The following CEP290 variants were observed in gnomAD, a reference collection of about 807,000 sequenced individuals.
The protein encoded by CEP290 is centrosomal protein of 290 kDa.
CEP290 carries 317 observed loss-of-function variants against 344.9 expected under a neutral mutation model. That is an observed-to-expected ratio of 0.92 (90% confidence interval 0.84 to 1.01). The LOEUF (loss-of-function observed/expected upper bound fraction) is 1.01. Ranked by LOEUF, CEP290 falls within the 50% of genes least tolerant of loss-of-function variation. The pLI, the probability that CEP290 is intolerant of heterozygous loss-of-function variation, is 0.00. For synonymous variants in CEP290, 932 were observed against 895.8 expected, an observed-to-expected ratio of 1.04 and a Z score of -0.72; for missense variants, 2,754 against 2,761.4, an observed-to-expected ratio of 1.00 and a Z score of 0.06.
At position 88,096,928 on chromosome 12, in the gene CEP290, A is replaced by G; in HGVS notation, c.3063T>C (p.Leu1021=). 1 of 1,583,022 alleles carries G rather than the reference A, an allele frequency of 6.3e-7. No homozygotes were observed. Residue 1021 remains leucine, a synonymous_variant, in exon 27 of 54, where the codon CTT becomes CTC. Coordinates refer to ENST00000552810, the MANE Select transcript of CEP290 (RefSeq NM_025114.4). ...NKELEITKEK[L]HTIEQAWEQE... Reference sequence around the variant, plus strand: ...GTTCCCAGGCTTGTTCAATAGTGTGAAGTTTTTCCTTGGTAATCTCCAGTT... The same window carrying G: ...GTTCCCAGGCTTGTTCAATAGTGTGGAGTTTTTCCTTGGTAATCTCCAGTT...
rs753374614 is a variant in CEP290 at position 88,131,208 on chromosome 12, C to T, written c.452G>A (p.Arg151Gln). The T allele has an allele frequency of 1.1e-5, 17 of 1,500,650 alleles. No individual in the cohort carries two copies. The highest frequency in any genetic ancestry group is 2.6e-5 in the Admixed American group (1 of 39,016). The allele number at this position is 1,500,650 out of a possible 1,614,324, so 93.0% of individuals were successfully genotyped here. A position where few individuals can be genotyped will look rare whatever the true frequency, so the allele number is the denominator to read the frequency against. ...GTTTTCATTTTCTGCCTCCTCATTT[C>T]GAAGAGCCAACTAAAATAGTAAAAA... ...EKKVNEQLAL[R>Q]NEEAENENSK... Residue 151 changes from arginine (R) to glutamine (Q), a missense_variant, in exon 7 of 54, where the codon CGA becomes CAA. Physicochemically the swap from Arg to Gln is conservative, Grantham distance 43. Coordinates refer to ENST00000552810, the MANE Select transcript of CEP290 (RefSeq NM_025114.4).
chr12:88,091,077 A>G (rs1287865313), intron 29 of CEP290, among the ~76,000 whole-genome samples: 2 of 152,166 alleles, frequency 1.3e-5, no homozygotes, highest in Admixed American at 1.3e-4. Flanking sequence ...TCCCTCTTGA[A>G]TATTCCTAAC....
At chr12:88,072,044 T>C in intron 41 of CEP290, 118 bp from the exon 42 acceptor site, 4 of 942,520 alleles carry the variant, frequency 4.2e-6, no homozygotes, top group East Asian at 5.8e-5. Flanking sequence ...AGAGAATATG[T>C]AAATATGTTC....
Position 88,126,387 on chromosome 12 carries a change from G to A in CEP290, c.994C>T (p.His332Tyr), listed in dbSNP as rs768520045. The A allele has an allele frequency of 6.6e-7, 1 of 1,519,998 alleles. No individual in the cohort carries two copies. The highest frequency in any genetic ancestry group is 8.8e-7 in the Non-Finnish European group (1 of 1,138,492). 94.2% of individuals were successfully genotyped at this position (1,519,998 alleles called of 1,614,324 possible). The change falls in exon 12 of 54, where the codon CAT becomes TAT. Residue 332 changes from histidine (H) to tyrosine (Y), a missense_variant. By Grantham distance (83) the His-to-Tyr change is moderately conservative. Transcript: ENST00000552810. ...TTCTTAAGTTTCTCCCTTAGGTTAT[G>A]TAACATTTGCTGATACTCAATAATT... ...DEIIEYQQML[H>Y]NLREKLKNAQ...
intron 25 of CEP290, among the ~76,000 whole-genome samples, chr12:88,106,333 A>G (rs2038276912): frequency 6.6e-6 from 1 of 152,180 alleles, no homozygotes; most frequent in Non-Finnish European, 1.5e-5. Context: ...GATTTATGAG[A>G]TGTAACATCC....
At chr12:88,132,708 T>A (rs1440810343) in intron 6 of CEP290, among the ~76,000 whole-genome samples, 2 of 152,122 alleles carry the variant, frequency 1.3e-5, no homozygotes, top group Non-Finnish European at 2.9e-5. Context: ...ATGAAGGGTA[T>A]GTGGGTGGTT....
intron 11 of CEP290, 48 bp downstream of exon 11, chr12:88,128,898 T>C: frequency 8.7e-7 from 1 of 1,153,690 alleles, no homozygotes; most frequent in Non-Finnish European, 1.2e-6. Flanking sequence ...AAAATTTAAA[T>C]CTAAAATACA....
intron 26 of CEP290, among the ~76,000 whole-genome samples, chr12:88,100,364 CT>C (rs1477353837): frequency 1.3e-5 from 2 of 151,502 alleles, no homozygotes; most frequent in Non-Finnish European, 2.9e-5. Flanking sequence ...TCAAGTTTTT[CT>C]TTTGCTTTAT....
chr12:88,077,163 G>T, intron 41 of CEP290, 59 bp downstream of exon 41: 1 of 1,490,882 alleles, frequency 6.7e-7, no homozygotes. Flanking sequence ...AATCAGCTAT[G>T]TATTTAACTT....
rs2138213152 is a variant in CEP290, at chr12:88,136,646, C to T, written c.438G>A (p.Glu146=). 1.2e-6 allele frequency: 2 copies of T among 1,613,462 alleles called. No homozygotes were observed. The highest frequency in any genetic ancestry group is 2.7e-5 in the African/African-American group (2 of 75,012). The change falls in exon 6 of 54, where the codon GAG becomes GAA. Residue 146 remains glutamate (E), a synonymous_variant. Transcript: ENST00000552810. ...KELEKEKKVN[E]QLALRNEEAE... ...ATGGAAAAAAAAAGTGCTTTACTTG[C>T]TCATTAACTTTCTTCTCTTTCTCCA... is the stretch of plus-strand genomic sequence containing the variant.
chr12:88,096,963 T>C lies in CEP290; in HGVS notation c.3028A>G (p.Ile1010Val), dbSNP rs1038566350. ...TTGGTAATCTCCAGTTCTTTATTTATAGACTCCACTTGTTCTTTTAAGGAG... is the reference window on the plus strand; with the variant it reads ...TTGGTAATCTCCAGTTCTTTATTTACAGACTCCACTTGTTCTTTTAAGGAG... The part of the protein sequence containing the change: ...NISLKEQVES[I>V]NKELEITKEK... Residue 1010 changes from isoleucine (I) to valine (V), a missense_variant, in exon 27 of 54, where the codon ATA (isoleucine) becomes GTA (valine). Physicochemically the swap from Ile to Val is conservative, Grantham distance 29. Transcript: ENST00000552810. 64 of 1,572,432 alleles carry C rather than the reference T, an allele frequency of 4.1e-5. No homozygotes were observed. The highest frequency in any genetic ancestry group is 5.3e-5 in the Non-Finnish European group (61 of 1,156,186).
At chr12:88,074,213 A>C (rs2137003020) in intron 41 of CEP290, among the ~76,000 whole-genome samples, 1 of 152,242 alleles carries the variant, frequency 6.6e-6, no homozygotes, top group African/African-American at 2.4e-5. Flanking sequence ...TGACAAGAAT[A>C]AAACTCCATC....
Position 88,054,335 on chromosome 12 carries a change from TGTACCTAA to T in CEP290, c.7031_7034+4del. ...ACAAAGTAGTCATATGAATACATGA[TGTACCTAA>T]GAACTTGAAGCTCCCGTTTAAGGCC... On this transcript the variant is annotated splice_donor_variant and splice_donor_region_variant and coding_sequence_variant and intron_variant, in exon 51 of 54. Coordinates refer to ENST00000552810, the MANE Select transcript of CEP290 (RefSeq NM_025114.4). LOFTEE classifies it high-confidence loss of function. The T allele has an allele frequency of 3.8e-6, 6 of 1,584,460 alleles. No individual in the cohort carries two copies. The highest frequency in any genetic ancestry group is 5.2e-6 in the Non-Finnish European group (6 of 1,162,492).
At chr12:88,138,373 A>C (rs1282748424) in intron 5 of CEP290, among the ~76,000 whole-genome samples, 1 of 152,228 alleles carries the variant, frequency 6.6e-6, no homozygotes, top group Admixed American at 6.5e-5. Flanking sequence ...GTATTTATTG[A>C]AAGTGCTTGG....
Position 88,083,906 on chromosome 12 carries a change from G to C in CEP290, c.4753C>G (p.His1585Asp). 1 of 1,599,024 alleles carries C rather than the reference G, an allele frequency of 6.3e-7. No individual in the cohort carries two copies. The highest frequency in any genetic ancestry group is 1.1e-5 in the South Asian group (1 of 87,608). The change falls in exon 36 of 54, where the codon CAT becomes GAT. Residue 1585 changes from histidine to aspartate, a missense_variant. By Grantham distance (81) the His-to-Asp change is moderately conservative. Transcript: ENST00000552810. ...TCAGCCTGTAGTTCTAATCTGTGATGAAGAATATGAAGGTCTTCCTCATGT... is the reference window on the plus strand; with the variant it reads ...TCAGCCTGTAGTTCTAATCTGTGATCAAGAATATGAAGGTCTTCCTCATGT... Reference protein sequence around the residue: ...KKHEEDLHILHHRLELQADSS... With the variant: ...KKHEEDLHILDHRLELQADSS...
chr12:88,052,211 GAT>G (rs1299151306), intron 52 of CEP290, among the ~76,000 whole-genome samples: 1 of 152,170 alleles, frequency 6.6e-6, no homozygotes, highest in East Asian at 1.9e-4. Context: ...AGATAGTTCA[GAT>G]ATAAATTGGT....
chr12:88,101,210 G>A (rs557727242), intron 26 of CEP290, among the ~76,000 whole-genome samples: 2 of 151,966 alleles, frequency 1.3e-5, no homozygotes, highest in African/African-American at 2.4e-5. Context: ...GGCCAGGTGC[G>A]GTGGCTCACA....
intron 52 of CEP290, chr12:88,051,726 C>T (rs1046529940): frequency 3.9e-5 from 6 of 152,100 alleles, no homozygotes; most frequent in African/African-American, 1.4e-4. Context: ...TGCACATGCA[C>T]CTGATCTCTG....
chr12:88,111,996 A>C, intron 20 of CEP290, 138 bp from the exon 21 acceptor site: 1 of 546,776 alleles, frequency 1.8e-6, no homozygotes, highest in Non-Finnish European at 3.0e-6. Flanking sequence ...AAGTATGCCA[A>C]TTCAAATTCT....
Sources: allele counts gnomAD v4.1 joint callset (sites outside exome capture counted in the v4.1 genomes callset), GRCh38; gene constraint gnomAD v4.1.1; transcripts MANE v1.5; gene names NCBI Gene and HGNC (gene_info 2026-07-23, HGNC 2026-07-21).